FGF14: variants seen among roughly 807,000 people sequenced by gnomAD.
The protein encoded by FGF14 is fibroblast growth factor 14.
In FGF14, 5 loss-of-function variants were observed where a neutral mutation model predicts 25.5. The observed-to-expected ratio is 0.20, with a 90% CI of 0.10 to 0.41. FGF14 has a LOEUF of 0.41. Ranked by LOEUF, FGF14 falls within the 10% of genes least tolerant of loss-of-function variation. FGF14 has a pLI of 1.00. For missense variants in FGF14, 222 were observed against 320.1 expected (o/e 0.69, Z 2.34); for synonymous variants, 138 against 118.3 (o/e 1.17, Z -1.08).
At chr13:102,066,314 A>G (rs2607653) in intron 1 of FGF14, among the ~76,000 whole-genome samples, 8,487 of 152,254 alleles carry the variant, frequency 0.056, 756 homozygotes, top group African/African-American at 0.19. Flanking sequence ...TTACTGTAGC[A>G]TATGATTAGA....
At chr13:101,907,273 A>C (rs1271011687) in intron 1 of FGF14, among the ~76,000 whole-genome samples, 1 of 152,136 alleles carries the variant, frequency 6.6e-6, no homozygotes, top group Non-Finnish European at 1.5e-5. Context: ...CCAACTGAGT[A>C]CTATTAGTGT....
intron 1 of FGF14, among the ~76,000 whole-genome samples, chr13:101,996,459 G>C (rs574455092): frequency 1.2e-4 from 19 of 152,302 alleles, no homozygotes; most frequent in Non-Finnish European, 2.5e-4. Flanking sequence ...GGTGAAAAAT[G>C]ATGAGGAGAA....
chr13:102,398,013 A>AGTGTGTGTGTGTGT (rs3067869), intron 1 of FGF14, among the ~76,000 whole-genome samples: 58 of 147,246 alleles, frequency 3.9e-4, no homozygotes, highest in South Asian at 8.9e-4. Context: ...GACATTTAAG[A>AGTGTGTGTGTGTGT]GTGTGTGTGT....
intron 1 of FGF14, among the ~76,000 whole-genome samples, chr13:102,096,697 C>G (rs9557803): frequency 0.18 from 27,854 of 151,998 alleles, 2,726 homozygotes; most frequent in South Asian, 0.27. Flanking sequence ...GATTTCAACC[C>G]ACAGCTATCA....
intron 1 of FGF14, among the ~76,000 whole-genome samples, chr13:102,146,620 G>A (rs189513451): frequency 1.9e-4 from 29 of 152,226 alleles, no homozygotes; most frequent in African/African-American, 6.7e-4. Context: ...CACTAGTACA[G>A]GTATTTAGTG....
chr13:101,884,070 A>AAAAAAAAAAAAAAAAAAG, intron 1 of FGF14, among the ~76,000 whole-genome samples: 1 of 147,716 alleles, frequency 6.8e-6, no homozygotes, highest in Non-Finnish European at 1.5e-5. Context: ...CTCAAAAAAA[A>AAAAAAAAAAAAAAAAAAG]AAAAAAAAAA....
intron 1 of FGF14, among the ~76,000 whole-genome samples, chr13:101,900,355 A>G (rs1190786668): frequency 6.6e-6 from 1 of 152,134 alleles, no homozygotes; most frequent in African/African-American, 2.4e-5. Flanking sequence ...ATACAAAAAA[A>G]TTACAATAGG....
chr13:102,320,218 T>G (rs1431932398), intron 1 of FGF14, among the ~76,000 whole-genome samples: 1 of 148,466 alleles, frequency 6.7e-6, no homozygotes, highest in Non-Finnish European at 1.5e-5. Flanking sequence ...ACCCAAAGTA[T>G]GAGCATGCAA....
chr13:101,773,595 T>C lies in FGF14; in HGVS notation c.409-46785A>G, dbSNP rs1859569058. 2.0e-5 allele frequency among the ~76,000 whole-genome samples: 3 copies of C among 151,908 alleles called. No individual in the cohort carries two copies. The South Asian group carries it at 6.2e-4, about 32-fold the overall frequency. Reference sequence around the variant, plus strand: ...TTTTATAGAAATCAGTGTAGAGTTCTCCTCTGAGTTAACCACACATGCACA... The same window carrying C: ...TTTTATAGAAATCAGTGTAGAGTTCCCCTCTGAGTTAACCACACATGCACA... On this transcript the variant is annotated intron_variant, in intron 3 of 4. Coordinates refer to ENST00000376143, the MANE Select transcript of FGF14 (RefSeq NM_004115.4).
intron 2 of FGF14, among the ~76,000 whole-genome samples, chr13:101,873,964 AC>A (rs1359818751): frequency 6.6e-6 from 1 of 152,102 alleles, no homozygotes; most frequent in Non-Finnish European, 1.5e-5. Flanking sequence ...AGAAATTGAC[AC>A]GGAGGACAAT....
At chr13:101,749,743 T>A (rs1034767051) in intron 3 of FGF14, among the ~76,000 whole-genome samples, 2 of 152,110 alleles carry the variant, frequency 1.3e-5, no homozygotes, top group South Asian at 4.1e-4. Context: ...TTTCTTCACA[T>A]GGACTTTGAA....
At chr13:102,008,814 C>G (rs960062385) in intron 1 of FGF14, among the ~76,000 whole-genome samples, 1 of 152,198 alleles carries the variant, frequency 6.6e-6, no homozygotes, top group East Asian at 1.9e-4. Context: ...AACAGTGAAA[C>G]TGATGTGTAA....
intron 1 of FGF14, among the ~76,000 whole-genome samples, chr13:102,228,054 T>C (rs533030793): frequency 6.6e-6 from 1 of 152,214 alleles, no homozygotes; most frequent in African/African-American, 2.4e-5. Flanking sequence ...AACGTTTATG[T>C]TGACCAACAT....
chr13:101,904,276 C>T (rs1566408585), intron 1 of FGF14, among the ~76,000 whole-genome samples: 1 of 152,022 alleles, frequency 6.6e-6, no homozygotes, highest in Middle Eastern at 3.4e-3. Flanking sequence ...GACCTTTGGG[C>T]TCTAGTAAGG....
At chr13:101,840,086 AACT>A (rs2043126182) in intron 3 of FGF14, among the ~76,000 whole-genome samples, 1 of 152,048 alleles carries the variant, frequency 6.6e-6, no homozygotes, top group African/African-American at 2.4e-5. Context: ...AATGAGAAAT[AACT>A]ACTTGGAAAT....
At chr13:101,731,067 C>T (rs1160876185) in intron 3 of FGF14, among the ~76,000 whole-genome samples, 1 of 152,088 alleles carries the variant, frequency 6.6e-6, no homozygotes, top group Non-Finnish European at 1.5e-5. Context: ...GGTCAAGGGG[C>T]CACAGGGAAG....
intron 1 of FGF14, among the ~76,000 whole-genome samples, chr13:102,114,281 T>C (rs1483431702): frequency 6.6e-6 from 1 of 152,198 alleles, no homozygotes; most frequent in African/African-American, 2.4e-5. Flanking sequence ...TATTGAGTTG[T>C]AGGAATTTCT....
intron 2 of FGF14, 70 bp downstream of exon 2, chr13:101,875,116 T>C (rs1261704053): frequency 1.9e-6 from 2 of 1,060,346 alleles, no homozygotes. Flanking sequence ...AAATGAATCT[T>C]AAAAAGTCAT....
chr13:101,893,847 A>T (rs533337653), intron 1 of FGF14, among the ~76,000 whole-genome samples: 49 of 152,302 alleles, frequency 3.2e-4, no homozygotes, highest in African/African-American at 1.1e-3. Context: ...CAAGCCATTA[A>T]GTTTGTAATG....
Sources: gnomAD v4.1 joint callset for allele counts (sites outside exome capture counted in the v4.1 genomes callset) on GRCh38, gnomAD v4.1.1 for gene constraint, MANE v1.5 for transcripts, NCBI Gene and HGNC (gene_info 2026-07-23, HGNC 2026-07-21) for gene names.